ASAP1: variants seen among roughly 807,000 people sequenced by gnomAD.
ASAP1 encodes arf-GAP with SH3 domain, ANK repeat and PH domain-containing protein 1.
ASAP1 carries 43 observed loss-of-function variants against 145.2 expected under a neutral mutation model. The observed-to-expected ratio is 0.30, with a 90% CI of 0.23 to 0.38. The LOEUF (loss-of-function observed/expected upper bound fraction) is 0.38, where lower values mean the gene tolerates loss of function less well. Ranked by LOEUF, ASAP1 falls within the 10% of genes least tolerant of loss-of-function variation. The pLI is 1.00. For missense variants in ASAP1, 1,018 were observed against 1,355.3 expected (o/e 0.75, Z 3.91); for synonymous variants, 546 against 515.5 (o/e 1.06, Z -0.80).
intron 12 of ASAP1, among the ~76,000 whole-genome samples, chr8:130,159,396 G>A (rs2097664537): frequency 6.6e-6 from 1 of 152,030 alleles, no homozygotes; most frequent in African/African-American, 2.4e-5. Flanking sequence ...GCTGAGGTGG[G>A]CAGATCACAA....
At chr8:130,438,917 G>A (rs1348397881) in intron 1 of ASAP1, among the ~76,000 whole-genome samples, 1 of 152,178 alleles carries the variant, frequency 6.6e-6, no homozygotes, top group African/African-American at 2.4e-5. Flanking sequence ...TCTTTCCCAG[G>A]CTGCAAAGAT....
At chr8:130,246,180 C>T (rs1282828028) in intron 3 of ASAP1, among the ~76,000 whole-genome samples, 2 of 144,024 alleles carry the variant, frequency 1.4e-5, no homozygotes, top group Non-Finnish European at 3.1e-5. Context: ...CCCTCCCCTT[C>T]GCCCCCCCAT....
intron 3 of ASAP1, among the ~76,000 whole-genome samples, chr8:130,237,788 C>T (rs1456184466): frequency 6.6e-6 from 1 of 151,886 alleles, no homozygotes; most frequent in African/African-American, 2.4e-5. Flanking sequence ...TATCACACTC[C>T]AAAAACAAGT....
chr8:130,079,659 CCT>C (rs2097474219), intron 26 of ASAP1, among the ~76,000 whole-genome samples: 1 of 152,008 alleles, frequency 6.6e-6, no homozygotes, highest in South Asian at 2.1e-4. Context: ...GAGGTTAGCT[CCT>C]GTCTGTGAAC....
intron 2 of ASAP1, among the ~76,000 whole-genome samples, chr8:130,365,810 C>CTGAA (rs1028706862): frequency 1.3e-4 from 20 of 152,122 alleles, no homozygotes; most frequent in African/African-American, 2.4e-4. Flanking sequence ...AGAAGGAAGA[C>CTGAA]TGAATGAATG....
chr8:130,420,272 AC>A (rs1829664863), intron 1 of ASAP1, among the ~76,000 whole-genome samples: 2 of 149,068 alleles, frequency 1.3e-5, no homozygotes, highest in Non-Finnish European at 3.0e-5. Context: ...ACACACACAC[AC>A]ACACACAATA....
chr8:130,182,744 A>C (rs2136186814), intron 7 of ASAP1, among the ~76,000 whole-genome samples: 1 of 151,990 alleles, frequency 6.6e-6, no homozygotes, highest in African/African-American at 2.4e-5. Flanking sequence ...GGCACTAAGG[A>C]AGCAGATAAA....
intron 1 of ASAP1, among the ~76,000 whole-genome samples, chr8:130,442,628 C>A (rs953270280): frequency 1.3e-5 from 2 of 152,082 alleles, no homozygotes; most frequent in Non-Finnish European, 2.9e-5. Flanking sequence ...AGAGAAAGTT[C>A]TTTTGCTTTC....
At chr8:130,431,186 C>T (rs1225549188) in intron 1 of ASAP1, among the ~76,000 whole-genome samples, 1 of 152,202 alleles carries the variant, frequency 6.6e-6, no homozygotes, top group African/African-American at 2.4e-5. Context: ...CCCATCTTCC[C>T]TCCCAGACTC....
intron 4 of ASAP1, among the ~76,000 whole-genome samples, chr8:130,226,449 T>C (rs574999669): frequency 6.6e-6 from 1 of 152,308 alleles, no homozygotes; most frequent in African/African-American, 2.4e-5. Flanking sequence ...AGTCTATTGT[T>C]AAGATTAAAG....
At position 130,081,071 on chromosome 8, in the gene ASAP1, A is replaced by C. The variant is rs540435377; in HGVS notation, c.2573-1100T>G. On this transcript the variant is annotated intron_variant, in intron 25 of 29. Transcript: ENST00000518721. ...GACTTAAGACATAGGAAATACACTA[A>C]TAATGTGTAATGAGATGAACATCAG... is the stretch of plus-strand genomic sequence containing the variant. Among the ~76,000 whole-genome samples the C allele has an allele frequency of 9.8e-5, 15 of 152,344 alleles. No individual in the cohort carries two copies. The South Asian group carries it at 1.7e-3, about 17-fold the overall frequency.
chr8:130,368,610 G>A (rs1177635383), intron 2 of ASAP1, among the ~76,000 whole-genome samples: 2 of 152,176 alleles, frequency 1.3e-5, no homozygotes, highest in Non-Finnish European at 2.9e-5. Flanking sequence ...ACTCAAGCAT[G>A]GCCAACCAGA....
intron 27 of ASAP1, among the ~76,000 whole-genome samples, chr8:130,070,892 GGAGAGAGGGAGGGA>G: frequency 1.3e-4 from 3 of 23,714 alleles, no homozygotes; most frequent in Non-Finnish European, 2.3e-4. Context: ...AGGGAGAGAG[GGAGAGAGGGAGGGA>G]GAGAGAGGGG....
rs1245483620 is a variant in ASAP1, at chr8:130,054,676, T to C, written c.*55A>G. Reference sequence around the variant, plus strand: ...TATACACACTGTGCCCAGGGTTACATGAAGGCAGCAGTCTTGCATGAAGGA... The same window carrying C: ...TATACACACTGTGCCCAGGGTTACACGAAGGCAGCAGTCTTGCATGAAGGA... On this transcript the variant is annotated 3_prime_UTR_variant, in exon 30 of 30. Coordinates refer to ENST00000518721, the MANE Select transcript of ASAP1 (RefSeq NM_018482.4). 13 of 1,501,586 alleles carry C rather than the reference T, an allele frequency of 8.7e-6. No individual in the cohort carries two copies. Among genetic ancestry groups the C allele is most frequent in the Non-Finnish European group, 1.0e-5 (11 of 1,078,726 alleles). 93.0% of individuals were successfully genotyped at this position (1,501,586 alleles called of 1,614,324 possible). A position where few individuals can be genotyped will look rare whatever the true frequency, so the allele number is the denominator to read the frequency against.
chr8:130,352,252 G>T (rs780838608), intron 3 of ASAP1, among the ~76,000 whole-genome samples: 12 of 150,426 alleles, frequency 8.0e-5, no homozygotes, highest in Non-Finnish European at 1.2e-4. Context: ...CTCCTTGGGG[G>T]TAATTAATGG....
At chr8:130,282,794 A>G (rs772822660) in intron 3 of ASAP1, among the ~76,000 whole-genome samples, 1 of 152,388 alleles carries the variant, frequency 6.6e-6, no homozygotes, top group Non-Finnish European at 1.5e-5. Flanking sequence ...AATGAACAAG[A>G]ACCCAAAGGA....
At chr8:130,415,502 A>AAACAG (rs1354147644) in intron 1 of ASAP1, among the ~76,000 whole-genome samples, 1 of 152,032 alleles carries the variant, frequency 6.6e-6, no homozygotes, top group Non-Finnish European at 1.5e-5. Flanking sequence ...AAACAAAACA[A>AAACAG]AACAGCCAGG....
intron 3 of ASAP1, among the ~76,000 whole-genome samples, chr8:130,319,341 G>C (rs80144607): frequency 0.026 from 3,978 of 152,274 alleles, 63 homozygotes; most frequent in Middle Eastern, 0.044. Flanking sequence ...AGTATGTTGA[G>C]AAAAATTCCT....
At chr8:130,276,819 AGT>A (rs1001361891) in intron 3 of ASAP1, among the ~76,000 whole-genome samples, 2 of 151,630 alleles carry the variant, frequency 1.3e-5, no homozygotes, top group Non-Finnish European at 2.9e-5. Context: ...GAAGGTGGAA[AGT>A]GTGAGTCAAC....
Sources: gnomAD v4.1 joint callset for allele counts (sites outside exome capture counted in the v4.1 genomes callset) on GRCh38, gnomAD v4.1.1 for gene constraint, MANE v1.5 for transcripts, NCBI Gene and HGNC (gene_info 2026-07-23, HGNC 2026-07-21) for gene names.